Variants in NEK10 observed in about 807,000 individuals in gnomAD.
NEK10 encodes the protein NIMA related kinase 10.
Under a neutral mutation model 159.8 loss-of-function variants are expected in NEK10, and 122 were observed. The observed-to-expected ratio is 0.76, with a 90% CI of 0.66 to 0.89. The LOEUF is 0.89. NEK10 is among the 40% of genes least tolerant of loss of function. NEK10 has a pLI of 0.00. For missense variants in NEK10, 1,342 were observed against 1,323.1 expected, an observed-to-expected ratio of 1.01 and a Z score of -0.22; for synonymous variants, 466 against 457.1, an observed-to-expected ratio of 1.02 and a Z score of -0.25.
At chr3:27,264,884 A>C (rs939032145) in intron 22 of NEK10, among the ~76,000 whole-genome samples, 2 of 138,108 alleles carry the variant, frequency 1.4e-5, no homozygotes, top group Non-Finnish European at 3.0e-5. Flanking sequence ...ACATGAGCGA[A>C]AATCAGTCTA....
At chr3:27,170,289 G>A (rs1312006359) in intron 29 of NEK10, among the ~76,000 whole-genome samples, 1 of 152,138 alleles carries the variant, frequency 6.6e-6, no homozygotes, top group Non-Finnish European at 1.5e-5. Context: ...AACCTCAACA[G>A]GTGCCCCAGC....
chr3:27,215,262 T>G (rs913039348), intron 23 of NEK10, among the ~76,000 whole-genome samples: 1 of 152,220 alleles, frequency 6.6e-6, no homozygotes, highest in Non-Finnish European at 1.5e-5. Context: ...GTTCCAGATT[T>G]ATTGTGTTCC....
intron 5 of NEK10, among the ~76,000 whole-genome samples, chr3:27,324,828 C>G (rs1205865559): frequency 6.6e-6 from 1 of 152,192 alleles, no homozygotes; most frequent in Non-Finnish European, 1.5e-5. Context: ...CATAGGCCCT[C>G]CAGGGCCTGG....
intron 1 of NEK10, chr3:27,363,567 C>T (rs2048837550): frequency 6.6e-6 from 1 of 152,094 alleles, no homozygotes; most frequent in South Asian, 2.1e-4. Context: ...AATAAGTTTG[C>T]CCCAGCTGAC....
chr3:27,223,170 T>C (rs564155373), intron 23 of NEK10, among the ~76,000 whole-genome samples: 1 of 152,226 alleles, frequency 6.6e-6, no homozygotes, highest in African/African-American at 2.4e-5. Flanking sequence ...TGTTTGAAGC[T>C]GGGAGCTGCA....
At chr3:27,240,448 C>T (rs1052182341) in intron 23 of NEK10, among the ~76,000 whole-genome samples, 4 of 139,010 alleles carry the variant, frequency 2.9e-5, no homozygotes, top group Admixed American at 7.7e-5. Flanking sequence ...TACAATCTCC[C>T]AATAATACAT....
intron 22 of NEK10, among the ~76,000 whole-genome samples, chr3:27,271,288 C>G (rs2041338286): frequency 6.6e-6 from 1 of 151,970 alleles, no homozygotes. Context: ...GTGTTAACAA[C>G]TATTCACAAA....
In NEK10 at chr3:27,369,063, CACTT is replaced by C. The variant is rs2049319878; in HGVS notation, c.-38+158_-38+161del. On this transcript the variant is annotated intron_variant, in intron 1 of 35. Transcript: ENST00000691995. The surrounding 1 kb of genome is among the most constrained non-coding windows in gnomAD (Gnocchi z 4.2). Reference sequence around the variant, plus strand: ...GAAAAGACTGCCTCACGCAGTGACTCACTTACCCACCACAGCCGCATTCTCTACC... The same window carrying C: ...GAAAAGACTGCCTCACGCAGTGACTCACCCACCACAGCCGCATTCTCTACC... 6.6e-6 allele frequency: 1 copy of C among 152,478 alleles called. No homozygotes were observed. Among genetic ancestry groups the C allele is most frequent in the African/African-American group, 2.4e-5 (1 of 41,458 alleles). 9.4% of individuals were successfully genotyped at this position (152,478 alleles called of 1,614,324 possible). A position where few individuals can be genotyped will look rare whatever the true frequency, so the allele number is the denominator to read the frequency against.
chr3:27,308,677 G>A (rs2044434327), intron 10 of NEK10, among the ~76,000 whole-genome samples: 1 of 152,094 alleles, frequency 6.6e-6, no homozygotes, highest in Non-Finnish European at 1.5e-5. Flanking sequence ...AAGTAACTGA[G>A]GGTTAGATGA....
intron 6 of NEK10, among the ~76,000 whole-genome samples, chr3:27,320,619 T>C (rs1025210251): frequency 6.6e-6 from 1 of 152,186 alleles, no homozygotes; most frequent in African/African-American, 2.4e-5. Flanking sequence ...CAGTTCTGTA[T>C]GGTTGGTCAC....
At chr3:27,194,662 G>A (rs1341405424) in intron 25 of NEK10, 1 of 152,138 alleles carries the variant, frequency 6.6e-6, no homozygotes, top group Non-Finnish European at 1.5e-5. Context: ...AAAATATAAA[G>A]ATCCATTTGT....
At chr3:27,178,731 G>C (rs1947770789) in intron 26 of NEK10, among the ~76,000 whole-genome samples, 2 of 152,202 alleles carry the variant, frequency 1.3e-5, no homozygotes, top group Non-Finnish European at 2.9e-5. Context: ...GTGGTCAGAT[G>C]ATTAAGGAAC....
At chr3:27,276,407 AG>A (rs1254149173) in intron 22 of NEK10, among the ~76,000 whole-genome samples, 3 of 152,102 alleles carry the variant, frequency 2.0e-5, no homozygotes, top group Admixed American at 6.6e-5. Flanking sequence ...AGAGCATTCC[AG>A]GCAGAGGGAT....
intron 5 of NEK10, 102 bp downstream of exon 5, chr3:27,344,170 A>T (rs1352971882): frequency 1.7e-6 from 1 of 586,742 alleles, no homozygotes; most frequent in East Asian, 3.0e-5. Context: ...TCCTTTAATG[A>T]CATGTTCAAT....
chr3:27,208,349 ATCT>A (rs986533312), intron 23 of NEK10, among the ~76,000 whole-genome samples: 2 of 152,300 alleles, frequency 1.3e-5, no homozygotes, highest in Admixed American at 6.5e-5. Context: ...CCATGCCTTG[ATCT>A]TCTTCTATGA....
At chr3:27,284,231 CA>C (rs1458841433) in intron 22 of NEK10, among the ~76,000 whole-genome samples, 3 of 151,904 alleles carry the variant, frequency 2.0e-5, no homozygotes, top group Non-Finnish European at 2.9e-5. Context: ...ACTAAAAATA[CA>C]AAATTAGGTG....
chr3:27,187,223 C>A (rs1033645423), intron 26 of NEK10, among the ~76,000 whole-genome samples: 41 of 152,136 alleles, frequency 2.7e-4, no homozygotes, highest in African/African-American at 9.2e-4. Context: ...AGAGCCCCTG[C>A]CCCTCTCTCA....
At chr3:27,323,492 G>A (rs1415283795) in intron 5 of NEK10, among the ~76,000 whole-genome samples, 2 of 152,116 alleles carry the variant, frequency 1.3e-5, no homozygotes, top group African/African-American at 4.8e-5. Flanking sequence ...CTACCCTACA[G>A]TTCTATAGTG....
intron 22 of NEK10, among the ~76,000 whole-genome samples, chr3:27,272,546 G>T (rs190411113): frequency 1.3e-5 from 2 of 152,090 alleles, no homozygotes; most frequent in Non-Finnish European, 2.9e-5. Context: ...ATTTGACAAC[G>T]AAACAATCTA....
Sources: gnomAD v4.1 joint callset for allele counts (sites outside exome capture counted in the v4.1 genomes callset) on GRCh38, gnomAD v4.1.1 for gene constraint, Gnocchi (gnomAD v3.1) non-coding constraint, MANE v1.5 for transcripts, NCBI Gene and HGNC (gene_info 2026-07-23, HGNC 2026-07-21) for gene names.